TSPAN13: variants seen among roughly 807,000 people sequenced by gnomAD.
TSPAN13 encodes the protein tetraspanin-13.
In TSPAN13, 18 loss-of-function variants were observed where a neutral mutation model predicts 26.9. That is an observed-to-expected ratio of 0.67 (90% CI 0.46 to 0.99). TSPAN13 has a LOEUF of 0.99. Ranked by LOEUF, TSPAN13 falls within the 50% of genes least tolerant of loss-of-function variation. The pLI is 0.00. For missense variants in TSPAN13, 201 were observed against 249.6 expected, an observed-to-expected ratio of 0.81 and a Z score of 1.31; for synonymous variants, 116 against 98.4, an observed-to-expected ratio of 1.18 and a Z score of -1.06.
chr7:16,770,135 T>G (rs1784656861), intron 1 of TSPAN13, among the ~76,000 whole-genome samples: 1 of 151,742 alleles, frequency 6.6e-6, no homozygotes, highest in Middle Eastern at 3.4e-3. Context: ...AAAATATGGG[T>G]TTTTAAAATA....
intron 1 of TSPAN13, among the ~76,000 whole-genome samples, chr7:16,773,037 C>G (rs1319647536): frequency 2.0e-5 from 3 of 151,726 alleles, no homozygotes; most frequent in African/African-American, 7.2e-5. Context: ...ATAATAAATA[C>G]TTATTCTTTT....
intron 1 of TSPAN13, among the ~76,000 whole-genome samples, chr7:16,768,246 A>G (rs142359040): frequency 2.0e-5 from 3 of 152,272 alleles, no homozygotes; most frequent in East Asian, 1.9e-4. Flanking sequence ...TGCTGGAAAT[A>G]TATTCTCCTA....
intron 1 of TSPAN13, among the ~76,000 whole-genome samples, chr7:16,769,378 T>C (rs1412655212): frequency 1.3e-5 from 2 of 152,158 alleles, no homozygotes; most frequent in Non-Finnish European, 2.9e-5. Flanking sequence ...GCAGCTGGGC[T>C]AAGAAAAAGT....
chr7:16,759,038 T>G (rs1784513376), intron 1 of TSPAN13, among the ~76,000 whole-genome samples: 1 of 152,142 alleles, frequency 6.6e-6, no homozygotes, highest in African/African-American at 2.4e-5. Flanking sequence ...GTAAGTAAAT[T>G]ATATATCGTA....
At chr7:16,760,588 G>A (rs1784532192) in intron 1 of TSPAN13, among the ~76,000 whole-genome samples, 1 of 152,142 alleles carries the variant, frequency 6.6e-6, no homozygotes, top group African/African-American at 2.4e-5. Context: ...GTTATTCAGG[G>A]GAGAGGACTT....
In TSPAN13 at chr7:16,754,860, A is replaced by G. The variant is rs74518644; in HGVS notation, c.63+830A>G. ...ACAGATCGACATTTATTGAATGCCT[A>G]TCACGTCCCAGGTTTTACATACACA... On this transcript the variant is annotated intron_variant, in intron 1 of 5. Transcript: ENST00000262067. Among the ~76,000 whole-genome samples the G allele has an allele frequency of 2.8e-4, 43 of 152,292 alleles. No individual in the cohort carries two copies. The East Asian group carries it at 6.6e-3, about 23-fold the overall frequency.
chr7:16,772,357 C>T lies in TSPAN13; in HGVS notation c.64-3854C>T, dbSNP rs567204960. Among the ~76,000 whole-genome samples, 3 of 152,258 alleles carry T rather than the reference C, an allele frequency of 2.0e-5. No homozygotes were observed. In the East Asian group the frequency reaches 5.8e-4, roughly 29 times the overall value. ...TTCTAGGACTGCTGTAGCAAATTAC[C>T]ACGAACATGGTGACTCAAAATAACA... On this transcript the variant is annotated intron_variant, in intron 1 of 5. Transcript: ENST00000262067.
chr7:16,763,343 A>T (rs574778645), intron 1 of TSPAN13, among the ~76,000 whole-genome samples: 15 of 152,340 alleles, frequency 9.8e-5, no homozygotes, highest in African/African-American at 3.4e-4. Flanking sequence ...AAAGTTTATG[A>T]TCAACACAAG....
chr7:16,783,540 C>G lies in TSPAN13; in HGVS notation c.*49C>G. The G allele has an allele frequency of 6.4e-7, 1 of 1,558,668 alleles. No homozygotes were observed. Among genetic ancestry groups the G allele is most frequent in the Non-Finnish European group, 8.8e-7 (1 of 1,130,544 alleles). On this transcript the variant is annotated 3_prime_UTR_variant, in exon 6 of 6. Coordinates refer to ENST00000262067, the MANE Select transcript of TSPAN13 (RefSeq NM_014399.4). ...TTCGTATTATGATCTTGTTCACTTT[C>G]TGTAATTTTCTGTTAAGCTCCATTT...
In TSPAN13 at chr7:16,783,458, A is replaced by G. The variant is rs1410868428; in HGVS notation, c.582A>G (p.Lys194=). 6.2e-7 allele frequency: 1 copy of G among 1,613,908 alleles called. No individual in the cohort carries two copies. Among genetic ancestry groups the G allele is most frequent in the South Asian group, 1.1e-5 (1 of 91,052 alleles). ...TGACCTACAGATACAGGAACCAGAA[A>G]GACCCCCGCGCGAATCCTAGTGCAT... ...VWLTYRYRNQ[K]DPRANPSAFL is the part of the protein sequence containing the mutation. Residue 194 remains lysine (K), a synonymous_variant, in exon 6 of 6, where the codon AAA becomes AAG. Transcript: ENST00000262067.
Position 16,777,034 on chromosome 7 carries a change from ACT to A in TSPAN13, c.232-4_232-3del. The stretch of plus-strand genomic sequence containing the variant: ...TATTTAGAAGTATCCTTAACTTCTA[ACT>A]CTCAGTATATGATTATTCTGTTACT... On this transcript the variant is annotated splice_region_variant and splice_polypyrimidine_tract_variant and intron_variant, in intron 2 of 5. Transcript: ENST00000262067. 1 of 1,589,060 alleles carries A rather than the reference ACT, an allele frequency of 6.3e-7. No homozygotes were observed.
At chr7:16,773,547 C>T (rs971100648) in intron 1 of TSPAN13, among the ~76,000 whole-genome samples, 6 of 152,050 alleles carry the variant, frequency 3.9e-5, no homozygotes, top group African/African-American at 9.7e-5. Flanking sequence ...AATATCTGGC[C>T]GTTTGCAGAG....
chr7:16,774,482 C>T lies in TSPAN13; in HGVS notation c.64-1729C>T, dbSNP rs181036263. On this transcript the variant is annotated intron_variant, in intron 1 of 5. Coordinates refer to ENST00000262067, the MANE Select transcript of TSPAN13 (RefSeq NM_014399.4). ...TTCAGGCTTCTGTCTTTTACAGCTC[C>T]TGAAGGGAAATGTGTTAAATTTGAA... 3.6e-3 allele frequency among the ~76,000 whole-genome samples: 546 copies of T among 152,300 alleles called. 4 individuals carry two copies. The highest frequency in any genetic ancestry group is 5.1e-3 in the Non-Finnish European group (350 of 68,032).
Position 16,759,120 on chromosome 7 carries a change from G to A in TSPAN13, c.63+5090G>A, listed in dbSNP as rs180704219. ...GGAAAGATAGGTGGGGCAGTGGAGC[G>A]GATGTGGGAGGATGGGTACACAGCT... On this transcript the variant is annotated intron_variant, in intron 1 of 5. Coordinates refer to ENST00000262067, the MANE Select transcript of TSPAN13 (RefSeq NM_014399.4). Among the ~76,000 whole-genome samples the A allele has an allele frequency of 1.4e-4, 22 of 152,268 alleles. No homozygotes were observed. In the East Asian group the frequency reaches 3.5e-3, roughly 24 times the overall value.
chr7:16,767,078 G>T (rs1220973642), intron 1 of TSPAN13, among the ~76,000 whole-genome samples: 1 of 152,114 alleles, frequency 6.6e-6, no homozygotes, highest in African/African-American at 2.4e-5. Context: ...CCCAGCTACT[G>T]TTGAGACTAT....
At chr7:16,762,063 T>A (rs980940778) in intron 1 of TSPAN13, among the ~76,000 whole-genome samples, 2 of 152,150 alleles carry the variant, frequency 1.3e-5, no homozygotes, top group African/African-American at 4.8e-5. Context: ...TTGGAAGAAT[T>A]TTGGTACTAA....
At chr7:16,779,928 C>T (rs1230635412) in intron 5 of TSPAN13, among the ~76,000 whole-genome samples, 2 of 151,682 alleles carry the variant, frequency 1.3e-5, no homozygotes, top group South Asian at 2.1e-4. Flanking sequence ...CCCGCCACCA[C>T]GCCCAGCTAA....
chr7:16,755,095 T>C (rs1437801036), intron 1 of TSPAN13, among the ~76,000 whole-genome samples: 1 of 151,948 alleles, frequency 6.6e-6, no homozygotes, highest in Non-Finnish European at 1.5e-5. Context: ...CATCCCTCCA[T>C]AGTAGTCTTG....
chr7:16,766,341 G>A (rs1347430238), intron 1 of TSPAN13, among the ~76,000 whole-genome samples: 1 of 152,192 alleles, frequency 6.6e-6, no homozygotes, highest in African/African-American at 2.4e-5. Flanking sequence ...GGATTGGACA[G>A]TTGATTCTAT....
Sources: gnomAD v4.1 joint callset for allele counts (sites outside exome capture counted in the v4.1 genomes callset) on GRCh38, gnomAD v4.1.1 for gene constraint, MANE v1.5 for transcripts, NCBI Gene and HGNC (gene_info 2026-07-23, HGNC 2026-07-21) for gene names.